MUSK: variants seen among roughly 807,000 people sequenced by gnomAD.
The protein encoded by MUSK is muscle, skeletal receptor tyrosine-protein kinase.
A neutral mutation model predicts 88.7 loss-of-function variants in MUSK; 55 were observed. The ratio of observed to expected loss-of-function variants is 0.62; its 90% CI spans 0.50 to 0.78. The LOEUF is 0.78. Ranked by LOEUF, MUSK falls within the 30% of genes least tolerant of loss-of-function variation. MUSK has a pLI of 0.00. For missense variants in MUSK, 1,015 were observed against 1,074.3 expected, an observed-to-expected ratio of 0.94 and a Z score of 0.77; for synonymous variants, 387 against 391.9, an observed-to-expected ratio of 0.99 and a Z score of 0.15.
intron 5 of MUSK, among the ~76,000 whole-genome samples, chr9:110,719,407 A>G (rs977701384): frequency 6.6e-6 from 1 of 152,152 alleles, no homozygotes; most frequent in African/African-American, 2.4e-5. Flanking sequence ...TATTCCATAC[A>G]AACAGACACC....
At position 110,779,428 on chromosome 9, in the gene MUSK, T is replaced by C. The variant is rs563089630; in HGVS notation, c.1384+2773T>C. Among the ~76,000 whole-genome samples the C allele has an allele frequency of 2.0e-5, 3 of 152,280 alleles. No homozygotes were observed. The East Asian group carries it at 5.8e-4, about 29-fold the overall frequency. ...ATCTGTATGATAGTCCTTAAAATAT[T>C]TGGAGACAGGCACTCAATCTCTCTG... is the stretch of plus-strand genomic sequence containing the variant. On this transcript the variant is annotated intron_variant, in intron 11 of 14. Transcript: ENST00000374448.
At chr9:110,782,918 T>G (rs942735643) in intron 11 of MUSK, among the ~76,000 whole-genome samples, 1 of 152,124 alleles carries the variant, frequency 6.6e-6, no homozygotes, top group Admixed American at 6.5e-5. Flanking sequence ...CCTGCCTGAG[T>G]CACAGTGGTG....
chr9:110,707,106 T>C (rs555320326), intron 5 of MUSK, among the ~76,000 whole-genome samples: 86 of 152,062 alleles, frequency 5.7e-4, no homozygotes, highest in African/African-American at 1.9e-3. Context: ...TCCCAATACA[T>C]TGGAAGGCCA....
chr9:110,759,062 T>C (rs965339650), intron 7 of MUSK, among the ~76,000 whole-genome samples: 1 of 152,172 alleles, frequency 6.6e-6, no homozygotes, highest in Admixed American at 6.5e-5. Flanking sequence ...GGAGGAATCA[T>C]GCTATCTTAC....
At chr9:110,740,149 T>G (rs2077078615) in intron 6 of MUSK, among the ~76,000 whole-genome samples, 1 of 152,192 alleles carries the variant, frequency 6.6e-6, no homozygotes, top group African/African-American at 2.4e-5. Context: ...CCAAGGCACA[T>G]TCCTTCATGG....
intron 7 of MUSK, among the ~76,000 whole-genome samples, chr9:110,754,108 G>C (rs1215826402): frequency 6.6e-6 from 1 of 152,134 alleles, no homozygotes; most frequent in African/African-American, 2.4e-5. Context: ...TTCCATGCTG[G>C]CTTTCTCTGG....
chr9:110,747,614 T>C (rs956663111), intron 6 of MUSK, 27 bp from the exon 7 acceptor site: 2 of 1,592,970 alleles, frequency 1.3e-6, no homozygotes, highest in African/African-American at 2.7e-5. Context: ...CTTGACTGAG[T>C]TCTTTTATTT....
chr9:110,686,568 T>G (rs565678175), intron 2 of MUSK, among the ~76,000 whole-genome samples: 1 of 152,178 alleles, frequency 6.6e-6, no homozygotes, highest in Non-Finnish European at 1.5e-5. Context: ...GTAATATATG[T>G]AAAGCATATA....
intron 1 of MUSK, among the ~76,000 whole-genome samples, chr9:110,680,213 A>G (rs1321407528): frequency 1.3e-5 from 2 of 152,140 alleles, no homozygotes; most frequent in African/African-American, 4.8e-5. Context: ...GTATTAGCCT[A>G]TTGCCTTTTG....
At chr9:110,693,579 C>G (rs2076386761) in intron 3 of MUSK, among the ~76,000 whole-genome samples, 1 of 152,236 alleles carries the variant, frequency 6.6e-6, no homozygotes, top group African/African-American at 2.4e-5. Flanking sequence ...TGACTCCACC[C>G]TGAATCATGT....
At chr9:110,776,572 C>A in intron 10 of MUSK, 60 bp from the exon 11 acceptor site, 1 of 1,391,248 alleles carries the variant, frequency 7.2e-7, no homozygotes, top group Non-Finnish European at 1.0e-6. Context: ...CACTCTCTCA[C>A]AGAATATGTG....
chr9:110,703,582 ATAAT>A (rs1395567388), intron 5 of MUSK, among the ~76,000 whole-genome samples: 1 of 152,212 alleles, frequency 6.6e-6, no homozygotes. Context: ...GTTTTGATAA[ATAAT>A]TAAACACAAT....
At chr9:110,674,136 A>G (rs1280845043) in intron 1 of MUSK, among the ~76,000 whole-genome samples, 1 of 151,616 alleles carries the variant, frequency 6.6e-6, no homozygotes, top group Non-Finnish European at 1.5e-5. Flanking sequence ...AATACTCTAT[A>G]GTAAAAAACT....
chr9:110,797,445 CAG>C (rs1261210385), intron 14 of MUSK, among the ~76,000 whole-genome samples: 1 of 151,870 alleles, frequency 6.6e-6, no homozygotes, highest in African/African-American at 2.4e-5. Context: ...ATGACAAAGT[CAG>C]GGGTATGACA....
At chr9:110,742,847 G>A (rs2077122081) in intron 6 of MUSK, among the ~76,000 whole-genome samples, 1 of 152,204 alleles carries the variant, frequency 6.6e-6, no homozygotes, top group African/African-American at 2.4e-5. Context: ...TGCTCTTAGA[G>A]CCAAGTTTAG....
chr9:110,788,153 G>C (rs1588042870), intron 14 of MUSK: 1 of 274,002 alleles, frequency 3.6e-6, no homozygotes, highest in Non-Finnish European at 6.9e-6. Flanking sequence ...ATATTGAAAA[G>C]TCTATATATT....
intron 5 of MUSK, chr9:110,727,672 A>G (rs984575993): frequency 2.7e-4 from 49 of 184,228 alleles, no homozygotes; most frequent in Non-Finnish European, 2.2e-4. Flanking sequence ...GTTCAGGTCC[A>G]CAAACTCAGG....
In MUSK at chr9:110,685,232, C is replaced by A. The variant is rs2076182165; in HGVS notation, c.207-1885C>A. ...ATTGAAATAATCGTATGTTTCTTAC[C>A]CTTCATCTGTTGATATGATGTATCA... On this transcript the variant is annotated intron_variant, in intron 2 of 14. Transcript: ENST00000374448. 2.0e-5 allele frequency among the ~76,000 whole-genome samples: 3 copies of A among 151,970 alleles called. No individual in the cohort carries two copies. In the South Asian group the frequency reaches 6.2e-4, roughly 32 times the overall value.
intron 5 of MUSK, among the ~76,000 whole-genome samples, chr9:110,728,533 G>C (rs2131824440): frequency 6.6e-6 from 1 of 152,106 alleles, no homozygotes; most frequent in Non-Finnish European, 1.5e-5. Flanking sequence ...TTCCTTGATT[G>C]CATTTGTTTC....
Sources: allele counts gnomAD v4.1 joint callset (sites outside exome capture counted in the v4.1 genomes callset), GRCh38; gene constraint gnomAD v4.1.1; transcripts MANE v1.5; gene names NCBI Gene and HGNC (gene_info 2026-07-23, HGNC 2026-07-21).